The following ZC3H12B variants were observed in gnomAD, a reference collection of about 807,000 sequenced individuals.
The protein encoded by ZC3H12B is probable ribonuclease ZC3H12B.
Under a neutral mutation model 43.9 loss-of-function variants are expected in ZC3H12B, and 7 were observed. The observed-to-expected ratio is 0.16, with a 90% CI of 0.09 to 0.30. The LOEUF (loss-of-function observed/expected upper bound fraction) is 0.30. Ranked by LOEUF, ZC3H12B falls within the 10% of genes least tolerant of loss-of-function variation. ZC3H12B has a pLI of 1.00. For synonymous variants in ZC3H12B, 222 were observed against 241.7 expected (o/e 0.92, Z 0.76); for missense variants, 475 against 670.2 (o/e 0.71, Z 3.22).
the ZC3H12B span, among the ~76,000 whole-genome samples, chrX:65,238,842 C>T: frequency 9.0e-6 from 1 of 111,690 alleles, no homozygotes; most frequent in Non-Finnish European, 1.9e-5. Flanking sequence ...TCATTACTTA[C>T]CCAGGAGTGA....
chrX:65,411,447 G>T (rs1195703333), intron 3 of ZC3H12B, among the ~76,000 whole-genome samples: 3 of 111,274 alleles, frequency 2.7e-5, no homozygotes, highest in African/African-American at 9.8e-5. Flanking sequence ...TGTAATTGTG[G>T]CCAGGCATGG....
chrX:65,190,990 T>C, the ZC3H12B span, among the ~76,000 whole-genome samples: 1 of 89,187 alleles, frequency 1.1e-5, no homozygotes, highest in Non-Finnish European at 2.1e-5. Flanking sequence ...CCTAATTTAT[T>C]GAGAGTTTTT....
At chrX:65,274,562 C>T in the ZC3H12B span, among the ~76,000 whole-genome samples, 1 of 109,319 alleles carries the variant, frequency 9.1e-6, no homozygotes, top group Non-Finnish European at 1.9e-5. Flanking sequence ...AGCTGCAGTC[C>T]CACACATAAT....
At chrX:65,218,654 G>A in the ZC3H12B span, among the ~76,000 whole-genome samples, 1 of 110,690 alleles carries the variant, frequency 9.0e-6, no homozygotes, top group Non-Finnish European at 1.9e-5. Flanking sequence ...CCCCACAGCA[G>A]CCGCAACAAG....
chrX:65,501,745 T>C, intron 4 of ZC3H12B, 44 bp from the exon 10 acceptor site: 1 of 1,083,033 alleles, frequency 9.2e-7, no homozygotes, highest in South Asian at 2.3e-5. Context: ...CACAGAGGGT[T>C]CCATCACTGA....
the ZC3H12B span, among the ~76,000 whole-genome samples, chrX:65,314,546 C>A: frequency 8.9e-6 from 1 of 111,791 alleles, no homozygotes; most frequent in Non-Finnish European, 1.9e-5. Context: ...ATTTTATATC[C>A]AGAGAAAATA....
chrX:65,458,107 AAAG>A (rs1194657271), intron 3 of ZC3H12B, among the ~76,000 whole-genome samples: 1 of 96,516 alleles, frequency 1.0e-5, no homozygotes, highest in Non-Finnish European at 2.1e-5. Context: ...AAAAAGAGAC[AAAG>A]AAGGCCATTA....
chrX:65,478,813 TGCACAACCTTACACAA>T (rs1217384239), intron 3 of ZC3H12B, among the ~76,000 whole-genome samples: 1 of 112,180 alleles, frequency 8.9e-6, no homozygotes, highest in African/African-American at 3.2e-5. Flanking sequence ...CATGAACACA[TGCACAACCTTACACAA>T]GTATGTGTCC....
chrX:65,206,353 A>G, the ZC3H12B span, among the ~76,000 whole-genome samples: 1 of 111,943 alleles, frequency 8.9e-6, no homozygotes, highest in Admixed American at 9.6e-5. Context: ...CACAGAAATA[A>G]AGCCAAACAC....
chrX:65,421,737 G>C (rs916649595), intron 3 of ZC3H12B, among the ~76,000 whole-genome samples: 1 of 111,574 alleles, frequency 9.0e-6, no homozygotes, highest in African/African-American at 3.3e-5. Flanking sequence ...TGAGGCAGGC[G>C]GATCACGAGG....
intron 3 of ZC3H12B, among the ~76,000 whole-genome samples, chrX:65,447,961 G>A (rs73629443): frequency 8.8e-4 from 98 of 111,370 alleles, no homozygotes; most frequent in African/African-American, 3.1e-3. Flanking sequence ...GGCCGGGCAC[G>A]GTGGCTCACA....
chrX:65,392,743 G>A (rs1355250054), intron 2 of ZC3H12B, among the ~76,000 whole-genome samples: 1 of 113,414 alleles, frequency 8.8e-6, no homozygotes, highest in Non-Finnish European at 1.9e-5. Context: ...CGTCTGGGAG[G>A]TGTACCCAAC....
At chrX:65,212,476 AAAT>A in the ZC3H12B span, among the ~76,000 whole-genome samples, 3 of 67,075 alleles carry the variant, frequency 4.5e-5, no homozygotes, top group East Asian at 8.7e-4. Context: ...ATAATTATAT[AAAT>A]AATATATATT....
At chrX:65,215,133 G>T in the ZC3H12B span, among the ~76,000 whole-genome samples, 1 of 112,034 alleles carries the variant, frequency 8.9e-6, no homozygotes, top group African/African-American at 3.2e-5. Context: ...CAAAGCACAT[G>T]TGGAGTAAAT....
chrX:65,138,168 A>G, the ZC3H12B span, among the ~76,000 whole-genome samples: 1 of 112,464 alleles, frequency 8.9e-6, no homozygotes, highest in East Asian at 2.8e-4. Context: ...ACCAAGTTGT[A>G]TAATAGATCT....
the ZC3H12B span, among the ~76,000 whole-genome samples, chrX:65,243,803 GT>G: frequency 1.8e-5 from 2 of 110,681 alleles, no homozygotes; most frequent in Admixed American, 1.9e-4. Context: ...ATATAATGAA[GT>G]TTTTTTTTAT....
At chrX:65,103,127 C>T in the ZC3H12B span, among the ~76,000 whole-genome samples, 2 of 111,197 alleles carry the variant, frequency 1.8e-5, no homozygotes, top group Non-Finnish European at 3.8e-5. Flanking sequence ...TCCTAATAGG[C>T]CTGGGAGCAC....
At chrX:65,167,597 T>G in the ZC3H12B span, among the ~76,000 whole-genome samples, 20 of 111,780 alleles carry the variant, frequency 1.8e-4, no homozygotes, top group East Asian at 5.6e-4. Context: ...TTGGTAGCTT[T>G]ATGGGGATTG....
the ZC3H12B span, among the ~76,000 whole-genome samples, chrX:65,060,362 G>T: frequency 8.9e-6 from 1 of 111,902 alleles, no homozygotes; most frequent in Non-Finnish European, 1.9e-5. Context: ...TTATGTTGAG[G>T]TTTTATGTTC....
Sources: allele counts gnomAD v4.1 joint callset (sites outside exome capture counted in the v4.1 genomes callset), GRCh38; gene constraint gnomAD v4.1.1; transcripts MANE v1.5; gene names NCBI Gene and HGNC (gene_info 2026-07-23, HGNC 2026-07-21).